CHSY3: variants seen among roughly 807,000 people sequenced by gnomAD.
The protein encoded by CHSY3 is chondroitin sulfate synthase 3.
In CHSY3, 35 loss-of-function variants were observed where a neutral mutation model predicts 67.2. The ratio of observed to expected loss-of-function variants is 0.52; its 90% CI spans 0.40 to 0.69. The LOEUF (loss-of-function observed/expected upper bound fraction) is 0.69. Among genes scored for constraint, CHSY3 ranks in the 30% least tolerant of loss-of-function variants. The pLI, the probability that CHSY3 is intolerant of heterozygous loss-of-function variation, is 0.00. For synonymous variants in CHSY3, 474 were observed against 434.7 expected, an observed-to-expected ratio of 1.09 and a Z score of -1.12; for missense variants, 1,069 against 1,138.5, an observed-to-expected ratio of 0.94 and a Z score of 0.88.
intron 2 of CHSY3, among the ~76,000 whole-genome samples, chr5:129,920,229 G>T (rs1472564615): frequency 6.6e-6 from 1 of 152,026 alleles, no homozygotes; most frequent in Non-Finnish European, 1.5e-5. Context: ...ACAAGGAATA[G>T]GTTTCTTTTT....
At chr5:129,970,224 G>A (rs1762599202) in intron 2 of CHSY3, among the ~76,000 whole-genome samples, 1 of 151,768 alleles carries the variant, frequency 6.6e-6, no homozygotes, top group Non-Finnish European at 1.5e-5. Flanking sequence ...TTCCCACTGG[G>A]CTGTAAGCAA....
intron 2 of CHSY3, among the ~76,000 whole-genome samples, chr5:130,045,755 G>A (rs1765128774): frequency 1.3e-5 from 2 of 152,052 alleles, no homozygotes; most frequent in Admixed American, 1.3e-4. Flanking sequence ...TACCCAATCA[G>A]TACATTTTCG....
Position 130,185,493 on chromosome 5 carries a change from G to A in CHSY3, c.2351G>A (p.Cys784Tyr). The A allele has an allele frequency of 6.2e-7, 1 of 1,614,074 alleles. No individual in the cohort carries two copies. The highest frequency in any genetic ancestry group is 1.6e-4 in the Middle Eastern group (1 of 6,062). ...AGAGACTATGGATATGGCATCACCT[G>A]TATTTACAAAAGTGATCTTCTAGGT... ...FWRDYGYGIT[C>Y]IYKSDLLGAG... Residue 784 changes from cysteine to tyrosine, a missense_variant, in exon 3 of 3, where the codon TGT becomes TAT. By Grantham distance (194) the Cys-to-Tyr change is radical. Coordinates refer to ENST00000305031, the MANE Select transcript of CHSY3 (RefSeq NM_175856.5).
rs1041927445 is a variant in CHSY3 at position 129,905,345 on chromosome 5, C to T, written c.516C>T (p.Phe172=). 8 of 1,558,604 alleles carry T rather than the reference C, an allele frequency of 5.1e-6. No homozygotes were observed. Among genetic ancestry groups the T allele is most frequent in the East Asian group, 2.3e-5 (1 of 42,852 alleles). Reference sequence around the variant, plus strand: ...CCCCGAGCGCCCGACCCCGGGACTTCCTGTACGTGGGGGTGATGACCGCGC... The same window carrying T: ...CCCCGAGCGCCCGACCCCGGGACTTTCTGTACGTGGGGGTGATGACCGCGC... ...AAAPSARPRD[F]LYVGVMTAQK... Residue 172 remains phenylalanine, a synonymous_variant, in exon 1 of 3, where the codon TTC becomes TTT. Transcript: ENST00000305031.
chr5:129,967,482 A>G (rs1463430024), intron 2 of CHSY3, among the ~76,000 whole-genome samples: 1 of 151,874 alleles, frequency 6.6e-6, no homozygotes, highest in Non-Finnish European at 1.5e-5. Flanking sequence ...CCTGCTAAAT[A>G]TGGCATTTAT....
intron 2 of CHSY3, among the ~76,000 whole-genome samples, chr5:130,126,961 G>T (rs1768312962): frequency 6.6e-6 from 1 of 152,104 alleles, no homozygotes; most frequent in South Asian, 2.1e-4. Context: ...TGGCCTGTGT[G>T]GCTATGCTAA....
intron 2 of CHSY3, among the ~76,000 whole-genome samples, chr5:130,011,447 C>A (rs1318772691): frequency 6.6e-6 from 1 of 152,096 alleles, no homozygotes; most frequent in African/African-American, 2.4e-5. Context: ...AAACCCTCAG[C>A]AAACTAGTCA....
At chr5:129,954,418 C>T (rs1411209403) in intron 2 of CHSY3, among the ~76,000 whole-genome samples, 1 of 150,598 alleles carries the variant, frequency 6.6e-6, no homozygotes, top group Admixed American at 6.6e-5. Flanking sequence ...TAGAGTGATA[C>T]CTCTAGCTGT....
At chr5:130,026,251 A>C (rs1561503127) in intron 2 of CHSY3, among the ~76,000 whole-genome samples, 1 of 152,150 alleles carries the variant, frequency 6.6e-6, no homozygotes, top group Non-Finnish European at 1.5e-5. Flanking sequence ...ATGACTATTT[A>C]TCTGTAGTAT....
chr5:129,973,514 G>A (rs1229715193), intron 2 of CHSY3, among the ~76,000 whole-genome samples: 1 of 152,038 alleles, frequency 6.6e-6, no homozygotes, highest in Non-Finnish European at 1.5e-5. Context: ...ATAATTAAGT[G>A]CAATTCAGTT....
intron 2 of CHSY3, among the ~76,000 whole-genome samples, chr5:130,149,349 G>T (rs1561559812): frequency 6.6e-6 from 1 of 152,182 alleles, no homozygotes; most frequent in East Asian, 1.9e-4. Context: ...ACCAGTATCT[G>T]CTTCTGAGGA....
chr5:129,933,743 C>G (rs1050875491), intron 2 of CHSY3, among the ~76,000 whole-genome samples: 3 of 152,236 alleles, frequency 2.0e-5, no homozygotes, highest in East Asian at 1.9e-4. Context: ...TTAACATTAT[C>G]TCTAAATTCT....
rs1389289352 is a variant in CHSY3, at chr5:130,185,635, T to C, written c.2493T>C (p.His831=). 1 of 1,613,970 alleles carries C rather than the reference T, an allele frequency of 6.2e-7. No individual in the cohort carries two copies. Among genetic ancestry groups the C allele is most frequent in the Non-Finnish European group, 8.5e-7 (1 of 1,179,978 alleles). The change falls in exon 3 of 3, where the codon CAT becomes CAC. Residue 831 remains histidine, a synonymous_variant. Coordinates refer to ENST00000305031, the MANE Select transcript of CHSY3 (RefSeq NM_175856.5). ...GAAGCCAAGAAGTAGGAGTGGTGCA[T>C]ATTTTCCATCCAGTTCATTGTGATC... ...PFRSQEVGVV[H]IFHPVHCDPN... is the part of the protein sequence containing the mutation.
chr5:130,115,372 AAATTTCAC>A (rs1215596024), intron 2 of CHSY3, among the ~76,000 whole-genome samples: 1 of 152,184 alleles, frequency 6.6e-6, no homozygotes, highest in Non-Finnish European at 1.5e-5. Flanking sequence ...AGCAAGGCAT[AAATTTCAC>A]AATTTCACAA....
At chr5:130,016,297 T>C (rs1213161805) in intron 2 of CHSY3, among the ~76,000 whole-genome samples, 1 of 152,268 alleles carries the variant, frequency 6.6e-6, no homozygotes, top group East Asian at 1.9e-4. Context: ...TATAAGGCTA[T>C]CCATATTGTA....
At chr5:130,016,729 A>G (rs1033982154) in intron 2 of CHSY3, among the ~76,000 whole-genome samples, 7 of 152,182 alleles carry the variant, frequency 4.6e-5, no homozygotes, top group Non-Finnish European at 7.4e-5. Flanking sequence ...ATTATTAATC[A>G]AGGAAAGGAT....
chr5:130,182,633 C>A (rs1443277543), intron 2 of CHSY3, among the ~76,000 whole-genome samples: 4 of 152,048 alleles, frequency 2.6e-5, no homozygotes, highest in Admixed American at 6.6e-5. Context: ...CTAAAATAAA[C>A]CTTTATGTTT....
At chr5:130,147,231 G>A (rs1475947459) in intron 2 of CHSY3, among the ~76,000 whole-genome samples, 2 of 152,190 alleles carry the variant, frequency 1.3e-5, no homozygotes, top group Non-Finnish European at 2.9e-5. Flanking sequence ...TGATCTAGAT[G>A]TGGAGACTGC....
intron 2 of CHSY3, among the ~76,000 whole-genome samples, chr5:130,094,294 T>A (rs926560362): frequency 6.6e-6 from 1 of 152,280 alleles, no homozygotes; most frequent in African/African-American, 2.4e-5. Flanking sequence ...TAAAAAAATC[T>A]ACGGTGTAAT....
Sources: gnomAD v4.1 joint callset for allele counts (sites outside exome capture counted in the v4.1 genomes callset) on GRCh38, gnomAD v4.1.1 for gene constraint, MANE v1.5 for transcripts, NCBI Gene and HGNC (gene_info 2026-07-23, HGNC 2026-07-21) for gene names.